Variants in GALNT17 observed in about 807,000 individuals in gnomAD.
GALNT17 encodes polypeptide N-acetylgalactosaminyltransferase 17.
Under a neutral mutation model 63.7 loss-of-function variants are expected in GALNT17, and 29 were observed. The observed-to-expected ratio is 0.46, with a 90% CI of 0.34 to 0.62. GALNT17 has a LOEUF of 0.62. GALNT17 is among the 20% of genes least tolerant of loss of function. The probability of loss-of-function intolerance (pLI) is 0.01; values close to 1 mark genes in which losing one functional copy is unlikely to be tolerated. For missense variants in GALNT17, 603 were observed against 799.6 expected (o/e 0.75, Z 2.97); for synonymous variants, 305 against 318.3 (o/e 0.96, Z 0.45).
rs1790349927 is a variant in GALNT17 at position 71,259,647 on chromosome 7, T to TTTTG, written c.239-75900_239-75899insGTTT. Reference sequence around the variant, plus strand: ...TCCTGTTTTGTTTTTTGTTTTTTTGTTTTTTTTTTTTTGAGACGGAGTCTT... The same window carrying TTTTG: ...TCCTGTTTTGTTTTTTGTTTTTTTGTTTTGTTTTTTTTTTTTGAGACGGAGTCTT... On this transcript the variant is annotated intron_variant, in intron 1 of 10. Transcript: ENST00000333538. Among the ~76,000 whole-genome samples, 2 of 138,606 alleles carry TTTTG rather than the reference T, an allele frequency of 1.4e-5. 1 individual carries two copies. Among genetic ancestry groups the TTTTG allele is most frequent in the South Asian group, 4.8e-4 (2 of 4,172 alleles). 90.9% of individuals were successfully genotyped at this position (138,606 alleles called of 152,430 possible).
chr7:71,230,450 G>A (rs927785781), intron 1 of GALNT17, among the ~76,000 whole-genome samples: 1 of 152,134 alleles, frequency 6.6e-6, no homozygotes, highest in African/African-American at 2.4e-5. Flanking sequence ...ACCAGCATCA[G>A]GAGAACAACA....
chr7:71,583,449 CT>C (rs1253486833), intron 6 of GALNT17, among the ~76,000 whole-genome samples: 2 of 152,168 alleles, frequency 1.3e-5, no homozygotes, highest in Non-Finnish European at 2.9e-5. Context: ...CCCGTAGCCC[CT>C]CCCTAGAGCT....
intron 5 of GALNT17, among the ~76,000 whole-genome samples, chr7:71,455,505 T>C (rs1258904336): frequency 1.4e-5 from 1 of 70,880 alleles, no homozygotes; most frequent in Non-Finnish European, 4.6e-5. Flanking sequence ...TTTTTGTTTT[T>C]GTTTTTTTTT....
intron 1 of GALNT17, among the ~76,000 whole-genome samples, chr7:71,162,123 C>CCCTTCCTTCCTTCCTTCCTTCCTT (rs527578764): frequency 5.2e-4 from 28 of 53,792 alleles, no homozygotes; most frequent in East Asian, 1.5e-3. Flanking sequence ...CTCCCTCCCT[C>CCCTTCCTTCCTTCCTTCCTTCCTT]CCTTCCTTCC....
At chr7:71,639,391 G>A (rs1261206302) in intron 6 of GALNT17, among the ~76,000 whole-genome samples, 1 of 152,172 alleles carries the variant, frequency 6.6e-6, no homozygotes, top group East Asian at 1.9e-4. Context: ...ACCATCTGTG[G>A]AGGCCCCATC....
At position 71,571,299 on chromosome 7, in the gene GALNT17, T is replaced by C; in HGVS notation, c.977T>C (p.Ile326Thr). Residue 326 changes from isoleucine (I) to threonine (T), a missense_variant, in exon 6 of 11, where the codon ATA (isoleucine) becomes ACA (threonine). This residue lies in a region of GALNT17 where 336 missense variants were observed against 507.8 expected (regional missense o/e 0.66). Coordinates refer to ENST00000333538, the MANE Select transcript of GALNT17 (RefSeq NM_022479.3). The stretch of plus-strand genomic sequence containing the variant: ...CCCTCCCTCAGGACCCCAGCCATGA[T>C]AGGCTGCTCGTTCGTGGTCAACAGG... Reference protein sequence around the residue: ...PSLPIRTPAMIGCSFVVNRKF... With the variant: ...PSLPIRTPAMTGCSFVVNRKF... 2 of 1,614,034 alleles carry C rather than the reference T, an allele frequency of 1.2e-6. No homozygotes were observed. The highest frequency in any genetic ancestry group is 1.7e-6 in the Non-Finnish European group (2 of 1,179,910).
intron 1 of GALNT17, among the ~76,000 whole-genome samples, chr7:71,189,237 C>T (rs1788906707): frequency 1.3e-5 from 2 of 152,114 alleles, no homozygotes; most frequent in South Asian, 2.1e-4. Context: ...TTCTTTCTTG[C>T]CTGCCGCCAT....
At chr7:71,365,749 C>G (rs901846184) in intron 2 of GALNT17, among the ~76,000 whole-genome samples, 2 of 151,952 alleles carry the variant, frequency 1.3e-5, no homozygotes, top group East Asian at 3.9e-4. Context: ...TCAGCAGTTC[C>G]CAGCCTTTTT....
intron 1 of GALNT17, among the ~76,000 whole-genome samples, chr7:71,321,752 G>A (rs1791609698): frequency 6.6e-6 from 1 of 150,870 alleles, no homozygotes; most frequent in Non-Finnish European, 1.5e-5. Context: ...GGCTGGTCTT[G>A]AACTCCTGAC....
chr7:71,677,353 G>T (rs777602349), intron 9 of GALNT17, 47 bp downstream of exon 9: 6 of 1,565,236 alleles, frequency 3.8e-6, no homozygotes, highest in South Asian at 3.5e-5. Flanking sequence ...CACCATCTCC[G>T]ACCCACAGAG....
At chr7:71,557,007 C>G (rs543916973) in intron 5 of GALNT17, among the ~76,000 whole-genome samples, 1 of 152,040 alleles carries the variant, frequency 6.6e-6, no homozygotes, top group African/African-American at 2.4e-5. Context: ...CCTCCTCAGC[C>G]TCCAGAGTAG....
intron 6 of GALNT17, among the ~76,000 whole-genome samples, chr7:71,642,712 G>C (rs915078960): frequency 6.6e-6 from 1 of 152,088 alleles, no homozygotes; most frequent in Non-Finnish European, 1.5e-5. Flanking sequence ...GTGTGCACCT[G>C]TAATCCCAGC....
intron 5 of GALNT17, among the ~76,000 whole-genome samples, chr7:71,437,109 AC>A (rs1315697776): frequency 1.3e-5 from 2 of 152,008 alleles, no homozygotes; most frequent in Non-Finnish European, 2.9e-5. Context: ...ACCGTTGCTG[AC>A]CCCCCTGAGT....
chr7:71,671,880 A>G (rs892461497), intron 8 of GALNT17, among the ~76,000 whole-genome samples: 4 of 152,150 alleles, frequency 2.6e-5, no homozygotes, highest in African/African-American at 9.6e-5. Flanking sequence ...ATATTAAAAA[A>G]CTAGCTGAGC....
intron 6 of GALNT17, among the ~76,000 whole-genome samples, chr7:71,617,939 G>A (rs1562712167): frequency 6.6e-6 from 1 of 152,034 alleles, no homozygotes; most frequent in East Asian, 1.9e-4. Context: ...GAGCCACTGC[G>A]CCCAGCCGAT....
At chr7:71,263,719 C>G (rs565394543) in intron 1 of GALNT17, among the ~76,000 whole-genome samples, 19 of 151,810 alleles carry the variant, frequency 1.3e-4, no homozygotes, top group Non-Finnish European at 2.5e-4. Context: ...GTCAGGAGAT[C>G]GAGACCATCC....
At chr7:71,464,479 C>T (rs1179237165) in intron 5 of GALNT17, among the ~76,000 whole-genome samples, 1 of 152,096 alleles carries the variant, frequency 6.6e-6, no homozygotes, top group Non-Finnish European at 1.5e-5. Context: ...AACCTCTCAA[C>T]AAGAGTGGGG....
intron 6 of GALNT17, among the ~76,000 whole-genome samples, chr7:71,580,118 G>C (rs1377101173): frequency 1.3e-5 from 2 of 152,016 alleles, no homozygotes; most frequent in East Asian, 3.9e-4. Context: ...TTATAGATTA[G>C]ATTGATAATA....
At chr7:71,263,975 G>A (rs911595342) in intron 1 of GALNT17, among the ~76,000 whole-genome samples, 2 of 152,130 alleles carry the variant, frequency 1.3e-5, no homozygotes, top group Admixed American at 6.5e-5. Context: ...GTGTGGGAGC[G>A]AGTGGGGCTT....
Sources: allele counts gnomAD v4.1 joint callset (sites outside exome capture counted in the v4.1 genomes callset), GRCh38; gene constraint gnomAD v4.1.1; regional missense constraint gnomAD v4.1.1; transcripts MANE v1.5; gene names NCBI Gene and HGNC (gene_info 2026-07-23, HGNC 2026-07-21).